Variants in CDH18 observed in about 807,000 individuals in gnomAD.
CDH18 encodes cadherin-18.
Under a neutral mutation model 67.9 loss-of-function variants are expected in CDH18, and 31 were observed. The ratio of observed to expected loss-of-function variants is 0.46; its 90% CI spans 0.34 to 0.62. CDH18 has a LOEUF of 0.62. CDH18 is among the 20% of genes least tolerant of loss of function. CDH18 has a pLI of 0.01. For synonymous variants in CDH18, 362 were observed against 347.2 expected (o/e 1.04, Z -0.48); for missense variants, 890 against 975.5 (o/e 0.91, Z 1.17).
chr5:19,558,804 C>T (rs2087924), intron 8 of CDH18, among the ~76,000 whole-genome samples: 15,064 of 151,788 alleles, frequency 0.099, 1,041 homozygotes, highest in African/African-American at 0.19. Context: ...TCCATGAAGC[C>T]AGTATCATTC....
chr5:19,896,386 A>G lies in CDH18; in HGVS notation c.-256-57144T>C, dbSNP rs565461019. Reference sequence around the variant, plus strand: ...AATAAATAAATAAAATAAAGAGCTTATCCTAGATTACTTGGGTGAGACCTA... The same window carrying G: ...AATAAATAAATAAAATAAAGAGCTTGTCCTAGATTACTTGGGTGAGACCTA... On this transcript the variant is annotated intron_variant, in intron 2 of 12. Transcript: ENST00000382275. Among the ~76,000 whole-genome samples the G allele has an allele frequency of 3.5e-4, 54 of 152,208 alleles. No homozygotes were observed. The East Asian group carries it at 8.3e-3, about 23-fold the overall frequency.
chr5:20,534,187 C>T (rs533990257), intron 1 of CDH18, among the ~76,000 whole-genome samples: 11 of 152,124 alleles, frequency 7.2e-5, no homozygotes, highest in South Asian at 6.2e-4. Context: ...GATAACAATT[C>T]AACAAAGCTT....
chr5:20,389,310 C>T lies in CDH18; in HGVS notation c.-579-133805G>A, dbSNP rs185750940. Reference sequence around the variant, plus strand: ...TGATCCCTTTACCATTATGTAATGGCCTTCTTTGTCTCTTTTGATCTTTGT... The same window carrying T: ...TGATCCCTTTACCATTATGTAATGGTCTTCTTTGTCTCTTTTGATCTTTGT... On this transcript the variant is annotated intron_variant, in intron 1 of 14. Transcript: ENST00000507958. 9.0e-3 allele frequency among the ~76,000 whole-genome samples: 1,372 copies of T among 152,218 alleles called. 21 individuals carry two copies. Among genetic ancestry groups the T allele is most frequent in the African/African-American group, 0.032 (1,335 of 41,520 alleles).
chr5:20,368,435 A>C (rs1375524348), intron 1 of CDH18, among the ~76,000 whole-genome samples: 1 of 152,220 alleles, frequency 6.6e-6, no homozygotes, highest in African/African-American at 2.4e-5. Context: ...AGCCAGCAAA[A>C]TTGACACAAT....
chr5:20,367,424 G>C (rs905420839), intron 1 of CDH18, among the ~76,000 whole-genome samples: 1 of 152,142 alleles, frequency 6.6e-6, no homozygotes, highest in African/African-American at 2.4e-5. Flanking sequence ...GTGCCAAAAA[G>C]GTTGGTTCCC....
At chr5:20,501,569 A>AT (rs1491455085) in intron 1 of CDH18, among the ~76,000 whole-genome samples, 2,151 of 16,148 alleles carry the variant, frequency 0.13, 156 homozygotes, top group African/African-American at 0.29. Flanking sequence ...ATATATATAT[A>AT]ATATATATAT....
chr5:19,700,006 A>C (rs1763029227), intron 5 of CDH18, among the ~76,000 whole-genome samples: 1 of 151,018 alleles, frequency 6.6e-6, no homozygotes, highest in Non-Finnish European at 1.5e-5. Context: ...AATACATTCA[A>C]TTAATTTGAG....
At chr5:20,345,380 A>T (rs866134808) in intron 1 of CDH18, among the ~76,000 whole-genome samples, 3 of 152,170 alleles carry the variant, frequency 2.0e-5, no homozygotes, top group South Asian at 2.1e-4. Context: ...TTACTTCCCT[A>T]AGCAGCTATT....
intron 2 of CDH18, among the ~76,000 whole-genome samples, chr5:20,056,482 T>G (rs1382214308): frequency 3.2e-5 from 4 of 125,978 alleles, no homozygotes; most frequent in Non-Finnish European, 6.5e-5. Context: ...TCTTTTGTTT[T>G]TTTTTTTTTT....
At chr5:20,091,676 T>C (rs966881404) in intron 2 of CDH18, among the ~76,000 whole-genome samples, 2 of 152,176 alleles carry the variant, frequency 1.3e-5, no homozygotes, top group Non-Finnish European at 2.9e-5. Flanking sequence ...TTTTGCATTA[T>C]TATTCTTCTT....
chr5:20,353,115 G>T (rs1035197264), intron 1 of CDH18, among the ~76,000 whole-genome samples: 1 of 152,078 alleles, frequency 6.6e-6, no homozygotes, highest in African/African-American at 2.4e-5. Flanking sequence ...GATTTCTCAT[G>T]GTGGTGTATG....
chr5:19,782,210 G>A (rs2149785256), intron 3 of CDH18, among the ~76,000 whole-genome samples: 1 of 152,212 alleles, frequency 6.6e-6, no homozygotes, highest in African/African-American at 2.4e-5. Context: ...CATGGTGGAA[G>A]GCACCTCTTC....
intron 3 of CDH18, among the ~76,000 whole-genome samples, chr5:19,752,416 T>A (rs1267489625): frequency 6.6e-6 from 1 of 152,026 alleles, no homozygotes; most frequent in Non-Finnish European, 1.5e-5. Flanking sequence ...TCTCCCCCAC[T>A]TCCTTGACAA....
chr5:19,790,274 C>A (rs1334584387), intron 3 of CDH18, among the ~76,000 whole-genome samples: 2 of 152,098 alleles, frequency 1.3e-5, no homozygotes, highest in Non-Finnish European at 2.9e-5. Flanking sequence ...ACAATGGAGA[C>A]AAGGATGCAC....
At chr5:19,822,196 A>G (rs1241176386) in intron 3 of CDH18, among the ~76,000 whole-genome samples, 1 of 152,218 alleles carries the variant, frequency 6.6e-6, no homozygotes, top group Non-Finnish European at 1.5e-5. Flanking sequence ...TGAATAACCA[A>G]GACCATCCAT....
At chr5:19,779,808 A>G (rs1467889853) in intron 3 of CDH18, among the ~76,000 whole-genome samples, 4 of 152,182 alleles carry the variant, frequency 2.6e-5, no homozygotes, top group Non-Finnish European at 4.4e-5. Context: ...GACTTTGGGT[A>G]CGACTAGCAG....
intron 1 of CDH18, among the ~76,000 whole-genome samples, chr5:20,270,751 A>T (rs1158123785): frequency 6.6e-6 from 1 of 152,188 alleles, no homozygotes; most frequent in Non-Finnish European, 1.5e-5. Flanking sequence ...CATCAGTGGT[A>T]GACTGGATAA....
At chr5:20,281,579 G>T (rs1162643821) in intron 1 of CDH18, among the ~76,000 whole-genome samples, 2 of 152,002 alleles carry the variant, frequency 1.3e-5, no homozygotes, top group Non-Finnish European at 2.9e-5. Flanking sequence ...CTCTGTTTTG[G>T]TACCAGTACC....
chr5:20,065,219 A>C (rs933000991), intron 2 of CDH18, among the ~76,000 whole-genome samples: 2 of 152,018 alleles, frequency 1.3e-5, no homozygotes, highest in Non-Finnish European at 2.9e-5. Context: ...GTTCATCAAA[A>C]AATGAGGAAG....
Sources: allele counts gnomAD v4.1 joint callset (sites outside exome capture counted in the v4.1 genomes callset), GRCh38; gene constraint gnomAD v4.1.1; transcripts MANE v1.5; gene names NCBI Gene and HGNC (gene_info 2026-07-23, HGNC 2026-07-21).